PDE4D: variants seen among roughly 807,000 people sequenced by gnomAD.
PDE4D encodes 3',5'-cyclic-AMP phosphodiesterase 4D.
Under a neutral mutation model 87.4 loss-of-function variants are expected in PDE4D, and 24 were observed. That is an observed-to-expected ratio of 0.27 (90% CI 0.20 to 0.39). The LOEUF is 0.39. Among genes scored for constraint, PDE4D ranks in the 10% least tolerant of loss-of-function variants. The pLI, the probability that PDE4D is intolerant of heterozygous loss-of-function variation, is 1.00. For missense variants in PDE4D, 714 were observed against 1,041.0 expected (o/e 0.69, Z 4.32); for synonymous variants, 384 against 383.2 (o/e 1.00, Z -0.02).
At chr5:60,249,381 A>T (rs994954860) in intron 1 of PDE4D, among the ~76,000 whole-genome samples, 3 of 152,018 alleles carry the variant, frequency 2.0e-5, no homozygotes, top group African/African-American at 7.2e-5. Context: ...CAGTTTTCTG[A>T]CTCTTAGTGA....
chr5:59,978,385 G>C (rs532142346), intron 3 of PDE4D, among the ~76,000 whole-genome samples: 1 of 152,222 alleles, frequency 6.6e-6, no homozygotes, highest in African/African-American at 2.4e-5. Context: ...GACTCTGAGG[G>C]GTTCAAGTGG....
At chr5:60,421,104 A>G (rs575451593) in intron 1 of PDE4D, among the ~76,000 whole-genome samples, 6 of 152,376 alleles carry the variant, frequency 3.9e-5, no homozygotes, top group Admixed American at 3.3e-4. Flanking sequence ...CTCTGTGGGC[A>G]GGGCATAGCT....
intron 1 of PDE4D, among the ~76,000 whole-genome samples, chr5:60,340,245 T>A (rs1019766091): frequency 1.3e-5 from 2 of 151,850 alleles, no homozygotes; most frequent in Non-Finnish European, 1.5e-5. Context: ...ATTATCTGTC[T>A]TTTAACAAGC....
At chr5:59,678,535 G>A (rs569363144) in intron 1 of PDE4D, among the ~76,000 whole-genome samples, 13 of 152,024 alleles carry the variant, frequency 8.6e-5, no homozygotes, top group South Asian at 4.2e-4. Context: ...GCACCATTTC[G>A]GCTCACTGCA....
chr5:59,726,231 C>T (rs1414252884), intron 1 of PDE4D, among the ~76,000 whole-genome samples: 1 of 151,962 alleles, frequency 6.6e-6, no homozygotes, highest in Non-Finnish European at 1.5e-5. Context: ...ATCATGTGAA[C>T]ATAACTAATT....
At chr5:59,543,488 T>A (rs1413311213) in intron 1 of PDE4D, among the ~76,000 whole-genome samples, 1 of 151,622 alleles carries the variant, frequency 6.6e-6, no homozygotes, top group African/African-American at 2.4e-5. Context: ...GCAAAAAGAG[T>A]CTTATTAAGA....
At chr5:59,895,561 G>A (rs1234353327), upstream of PDE4D, among the ~76,000 whole-genome samples, 1 of 152,204 alleles carries the variant, frequency 6.6e-6, no homozygotes, top group South Asian at 2.1e-4. Context: ...ACCATGCCTA[G>A]GAGGGCACTA....
At chr5:59,504,478 G>A (rs540582107) in intron 1 of PDE4D, among the ~76,000 whole-genome samples, 18 of 152,164 alleles carry the variant, frequency 1.2e-4, no homozygotes, top group Admixed American at 1.0e-3. Context: ...CTTTAAAAAA[G>A]TTACCCTAGT....
intron 3 of PDE4D, among the ~76,000 whole-genome samples, chr5:59,942,211 G>T (rs1429561832): frequency 6.6e-6 from 1 of 152,210 alleles, no homozygotes; most frequent in Non-Finnish European, 1.5e-5. Flanking sequence ...GGATTTAAGT[G>T]CTTGGAGTTT....
chr5:59,118,705 T>G (rs1243625378), intron 5 of PDE4D, among the ~76,000 whole-genome samples: 2 of 152,236 alleles, frequency 1.3e-5, no homozygotes. Context: ...CTCCTCTCTT[T>G]GTGTTTAGAT....
chr5:59,954,778 A>C (rs900918737), intron 3 of PDE4D, among the ~76,000 whole-genome samples: 1 of 152,232 alleles, frequency 6.6e-6, no homozygotes, highest in African/African-American at 2.4e-5. Flanking sequence ...TTCTACAGTG[A>C]AATTAAGTGG....
At chr5:59,427,292 T>TACACACACACACACACAC (rs60646746) in intron 1 of PDE4D, among the ~76,000 whole-genome samples, 33 of 132,256 alleles carry the variant, frequency 2.5e-4, no homozygotes, top group South Asian at 2.6e-4. Flanking sequence ...AGTGATTTTA[T>TACACACACACACACACAC]ACACACACAC....
intron 1 of PDE4D, among the ~76,000 whole-genome samples, chr5:59,312,705 G>C (rs1034256970): frequency 3.9e-5 from 6 of 152,126 alleles, no homozygotes; most frequent in Non-Finnish European, 8.8e-5. Flanking sequence ...TTAGAACCCA[G>C]TGCCCCTATG....
intron 4 of PDE4D, among the ~76,000 whole-genome samples, chr5:59,183,842 T>C (rs568900211): frequency 6.6e-6 from 1 of 152,338 alleles, no homozygotes; most frequent in African/African-American, 2.4e-5. Context: ...TGATAGACTC[T>C]GCATTATGCT....
chr5:60,518,156 G>C (rs1750886676), intron 1 of PDE4D, among the ~76,000 whole-genome samples: 1 of 152,352 alleles, frequency 6.6e-6, no homozygotes, highest in Admixed American at 6.5e-5. Context: ...TGCTTCAGCT[G>C]GCATGACTGG....
chr5:59,329,493 C>T (rs1194955533), intron 1 of PDE4D, among the ~76,000 whole-genome samples: 2 of 152,190 alleles, frequency 1.3e-5, no homozygotes, highest in Non-Finnish European at 2.9e-5. Flanking sequence ...TGTCTACTCA[C>T]TGAAGTCCTT....
intron 1 of PDE4D, among the ~76,000 whole-genome samples, chr5:60,431,617 C>T (rs1347472076): frequency 1.1e-4 from 17 of 151,948 alleles, no homozygotes; most frequent in African/African-American, 3.1e-4. Context: ...GGGCTCCTCA[C>T]GTCCCAGACG....
chr5:59,027,156 C>T (rs1056830653), intron 6 of PDE4D, among the ~76,000 whole-genome samples: 6 of 152,204 alleles, frequency 3.9e-5, no homozygotes, highest in African/African-American at 7.2e-5. Context: ...GGTCAAGTTT[C>T]GAGGGTAGAA....
chr5:60,086,670 T>C (rs1159714192), intron 2 of PDE4D, among the ~76,000 whole-genome samples: 1 of 152,206 alleles, frequency 6.6e-6, no homozygotes, highest in Non-Finnish European at 1.5e-5. Context: ...GCTGCCTAAA[T>C]GCAAACACAT....
Sources: allele counts gnomAD v4.1 joint callset (sites outside exome capture counted in the v4.1 genomes callset), GRCh38; gene constraint gnomAD v4.1.1; transcripts MANE v1.5; gene names NCBI Gene and HGNC (gene_info 2026-07-23, HGNC 2026-07-21).